CPED1: variants seen among roughly 807,000 people sequenced by gnomAD.
CPED1 encodes cadherin-like and PC-esterase domain-containing protein 1.
Under a neutral mutation model 128.2 loss-of-function variants are expected in CPED1, and 114 were observed. The ratio of observed to expected loss-of-function variants is 0.89; its 90% confidence interval spans 0.76 to 1.04. CPED1 has a LOEUF of 1.04. CPED1 is among the 50% of genes least tolerant of loss of function. The pLI is 0.00. For missense variants in CPED1, 1,211 were observed against 1,207.1 expected (o/e 1.00, Z -0.05); for synonymous variants, 462 against 426.7 (o/e 1.08, Z -1.02).
chr7:121,122,623 C>A (rs1004531726), intron 7 of CPED1, among the ~76,000 whole-genome samples: 1 of 152,122 alleles, frequency 6.6e-6, no homozygotes, highest in Non-Finnish European at 1.5e-5. Flanking sequence ...TGAACCTGGA[C>A]CTTTTTACCT....
chr7:121,145,207 G>T (rs1009767985), intron 16 of CPED1, among the ~76,000 whole-genome samples: 7 of 151,842 alleles, frequency 4.6e-5, no homozygotes, highest in Non-Finnish European at 1.0e-4. Flanking sequence ...AAAAAGATTG[G>T]TGGGAAAGTT....
chr7:121,143,768 A>G (rs2116375669), intron 16 of CPED1, among the ~76,000 whole-genome samples: 1 of 152,132 alleles, frequency 6.6e-6, no homozygotes, highest in South Asian at 2.1e-4. Flanking sequence ...AGTATCCACT[A>G]AAGCTAAATA....
chr7:121,243,112 T>C (rs1164616814), intron 17 of CPED1, among the ~76,000 whole-genome samples: 1 of 152,162 alleles, frequency 6.6e-6, no homozygotes, highest in East Asian at 1.9e-4. Flanking sequence ...TTTAAGTTTT[T>C]TCCTTTCTAA....
chr7:121,232,476 A>G (rs958583763), intron 16 of CPED1, among the ~76,000 whole-genome samples: 2 of 152,236 alleles, frequency 1.3e-5, no homozygotes, highest in Non-Finnish European at 2.9e-5. Flanking sequence ...GTTCGGGCTC[A>G]AGAGAACCAG....
intron 16 of CPED1, among the ~76,000 whole-genome samples, chr7:121,152,973 T>G (rs975368965): frequency 1.3e-5 from 2 of 152,182 alleles, no homozygotes; most frequent in African/African-American, 4.8e-5. Flanking sequence ...GATTTCATTT[T>G]ATTAGCGGTC....
chr7:121,176,213 A>AC, intron 16 of CPED1, among the ~76,000 whole-genome samples: 1 of 146,772 alleles, frequency 6.8e-6, no homozygotes, highest in South Asian at 2.2e-4. Context: ...AAAAAAAAAA[A>AC]AAACACCTCT....
intron 7 of CPED1, among the ~76,000 whole-genome samples, chr7:121,101,666 C>G (rs1346252158): frequency 1.3e-5 from 2 of 151,912 alleles, no homozygotes; most frequent in Non-Finnish European, 2.9e-5. Context: ...GCAGGCTGTA[C>G]AAGTATGGAA....
chr7:121,289,581 A>T (rs192674755), intron 22 of CPED1, among the ~76,000 whole-genome samples: 5 of 152,236 alleles, frequency 3.3e-5, no homozygotes, highest in African/African-American at 4.8e-5. Flanking sequence ...AAAAATACTC[A>T]ATTTTGTTTA....
chr7:121,094,929 A>G (rs1794664247), intron 5 of CPED1, among the ~76,000 whole-genome samples: 1 of 152,226 alleles, frequency 6.6e-6, no homozygotes, highest in Non-Finnish European at 1.5e-5. Context: ...AAGAGTAGCC[A>G]ATAAATAAAA....
rs146075913 is a variant in CPED1 at position 121,247,070 on chromosome 7, G to T, written c.2310+2732G>T. On this transcript the variant is annotated intron_variant, in intron 18 of 22. Transcript: ENST00000310396. ...AAGTGGCACAACCAGCATTAGAAAG[G>T]CCATGCCGCAGCAGCATGGAGGCTC... Among the ~76,000 whole-genome samples the T allele has an allele frequency of 2.4e-3, 371 of 152,290 alleles. 4 individuals carry two copies. Among genetic ancestry groups the T allele is most frequent in the African/African-American group, 8.5e-3 (355 of 41,558 alleles).
intron 17 of CPED1, among the ~76,000 whole-genome samples, chr7:121,242,106 T>C (rs1261164021): frequency 6.6e-6 from 1 of 152,222 alleles, no homozygotes; most frequent in Non-Finnish European, 1.5e-5. Flanking sequence ...CAGGTGTGCA[T>C]GCTCTCCAAA....
intron 18 of CPED1, among the ~76,000 whole-genome samples, chr7:121,251,572 G>A (rs1351840348): frequency 6.6e-6 from 1 of 152,250 alleles, no homozygotes; most frequent in South Asian, 2.1e-4. Flanking sequence ...AAACCCAATT[G>A]TCTCAGCCCA....
At chr7:121,259,903 A>C (rs970143606) in intron 18 of CPED1, among the ~76,000 whole-genome samples, 1 of 152,094 alleles carries the variant, frequency 6.6e-6, no homozygotes, top group Non-Finnish European at 1.5e-5. Flanking sequence ...TAATGTTTTC[A>C]TGTTAAGTAG....
At chr7:121,216,543 G>T (rs914531086) in intron 16 of CPED1, among the ~76,000 whole-genome samples, 2 of 151,974 alleles carry the variant, frequency 1.3e-5, no homozygotes, top group Admixed American at 1.3e-4. Flanking sequence ...GGCTCTGCTA[G>T]AACCTTCCTC....
intron 16 of CPED1, among the ~76,000 whole-genome samples, chr7:121,199,093 A>T (rs1330811890): frequency 6.6e-6 from 1 of 152,184 alleles, no homozygotes; most frequent in Non-Finnish European, 1.5e-5. Context: ...TTGAAATAGG[A>T]ATTACAAGTG....
chr7:121,266,689 T>C lies in CPED1; in HGVS notation c.2532-18T>C. On this transcript the variant is annotated intron_variant, in intron 19 of 22. Transcript: ENST00000310396. ...CTGTTTTAGGGCAACATGTGTTGTT[T>C]TTCTTTCTGAATTTCAGATCACGTC... 20 of 1,597,090 alleles carry C rather than the reference T, an allele frequency of 1.3e-5. No individual in the cohort carries two copies. Among genetic ancestry groups the C allele is most frequent in the Non-Finnish European group, 1.7e-5 (20 of 1,165,136 alleles).
chr7:121,063,064 T>C lies in CPED1; in HGVS notation c.541-1174T>C, dbSNP rs112754707. On this transcript the variant is annotated intron_variant, in intron 4 of 22. Coordinates refer to ENST00000310396, the MANE Select transcript of CPED1 (RefSeq NM_024913.5). ...TTGGTGTCCTTGTGGACTTTTACAATGTAGTGTTTAGGAATGCCACTGGTG... is the reference window on the plus strand; with the variant it reads ...TTGGTGTCCTTGTGGACTTTTACAACGTAGTGTTTAGGAATGCCACTGGTG... 7.4e-4 allele frequency among the ~76,000 whole-genome samples: 113 copies of C among 152,278 alleles called. No homozygotes were observed. In the East Asian group the frequency reaches 0.018, roughly 24 times the overall value.
At chr7:121,060,479 C>T (rs1211984910) in intron 4 of CPED1, among the ~76,000 whole-genome samples, 3 of 152,170 alleles carry the variant, frequency 2.0e-5, no homozygotes, top group African/African-American at 7.2e-5. Flanking sequence ...CTGTATCTAG[C>T]TCAAGGTTTG....
At chr7:121,257,873 ATTT>A (rs1791922171) in intron 18 of CPED1, among the ~76,000 whole-genome samples, 1 of 152,154 alleles carries the variant, frequency 6.6e-6, no homozygotes, top group Admixed American at 6.6e-5. Context: ...CAACTAATAT[ATTT>A]TGTTTTCTAT....
Sources: allele counts gnomAD v4.1 joint callset (sites outside exome capture counted in the v4.1 genomes callset), GRCh38; gene constraint gnomAD v4.1.1; transcripts MANE v1.5; gene names NCBI Gene and HGNC (gene_info 2026-07-23, HGNC 2026-07-21).